Variants in ZBTB7A observed in about 807,000 individuals in gnomAD.
ZBTB7A encodes the protein zinc finger and BTB domain containing 7A.
A neutral mutation model predicts 26.7 loss-of-function variants in ZBTB7A; 7 were observed. That is an observed-to-expected ratio of 0.26 (90% CI 0.15 to 0.49). ZBTB7A has a LOEUF of 0.49. Among genes scored for constraint, ZBTB7A ranks in the 20% least tolerant of loss-of-function variants. The probability of loss-of-function intolerance (pLI) is 0.98; values close to 1 mark genes in which losing one functional copy is unlikely to be tolerated. For missense variants in ZBTB7A, 617 were observed against 919.5 expected (o/e 0.67, Z 4.25); for synonymous variants, 452 against 441.0 (o/e 1.02, Z -0.31).
At chr19:4,053,695 G>A (rs536442558) in intron 2 of ZBTB7A, among the ~76,000 whole-genome samples, 3 of 151,790 alleles carry the variant, frequency 2.0e-5, no homozygotes, top group South Asian at 2.1e-4. Flanking sequence ...GCGTGTGTGC[G>A]TCTGTGTGTG....
chr19:4,049,552 G>A (rs10221509), intron 2 of ZBTB7A, among the ~76,000 whole-genome samples: 7,699 of 152,092 alleles, frequency 0.051, 645 homozygotes, highest in African/African-American at 0.17. Context: ...CGAGGCTGGC[G>A]GCGGCCGAGG....
intron 2 of ZBTB7A, among the ~76,000 whole-genome samples, chr19:4,050,393 C>T (rs1458350564): frequency 6.6e-6 from 1 of 152,190 alleles, no homozygotes; most frequent in African/African-American, 2.4e-5. Context: ...TTCCTTGTTT[C>T]TCCTCTGTCT....
At chr19:4,049,906 T>C (rs930898281) in intron 2 of ZBTB7A, among the ~76,000 whole-genome samples, 5 of 152,134 alleles carry the variant, frequency 3.3e-5, no homozygotes, top group African/African-American at 1.2e-4. Context: ...CATCCTCCTG[T>C]CATCACCACC....
intron 2 of ZBTB7A, among the ~76,000 whole-genome samples, chr19:4,053,544 ATGTGTATGTGG>A (rs2040529034): frequency 7.8e-6 from 1 of 128,232 alleles, no homozygotes; most frequent in Admixed American, 8.0e-5. Context: ...TGTGTATGTG[ATGTGTATGTGG>A]TGTGCGTGTG....
At position 4,055,667 on chromosome 19, in the gene ZBTB7A, C is replaced by CA. The variant is rs1431680595; in HGVS notation, c.-15-421dup. Among the ~76,000 whole-genome samples, 12 of 152,200 alleles carry CA rather than the reference C, an allele frequency of 7.9e-5. No homozygotes were observed. In the East Asian group the frequency reaches 2.3e-3, roughly 29 times the overall value. ...GAAACCCCGTCTCTACTAAAAAATA[C>CA]AAAAAATTAGCCGGGCGTGTTGGCG... On this transcript the variant is annotated intron_variant, in intron 1 of 2. Coordinates refer to ENST00000322357, the MANE Select transcript of ZBTB7A (RefSeq NM_015898.4).
At chr19:4,056,394 C>A (rs1009749396) in intron 1 of ZBTB7A, among the ~76,000 whole-genome samples, 14 of 152,324 alleles carry the variant, frequency 9.2e-5, no homozygotes, top group African/African-American at 2.9e-4. Context: ...CACACTGGCA[C>A]CACCCCTCCG....
chr19:4,053,623 G>T (rs1466061824), intron 2 of ZBTB7A, among the ~76,000 whole-genome samples: 1 of 150,974 alleles, frequency 6.6e-6, no homozygotes, highest in East Asian at 1.9e-4. Flanking sequence ...TGTGTATGTG[G>T]TGTGCATCTG....
intron 2 of ZBTB7A, 48 bp downstream of exon 2, chr19:4,053,923 G>T: frequency 6.5e-7 from 1 of 1,536,924 alleles, no homozygotes; most frequent in Admixed American, 1.9e-5. Flanking sequence ...AGCGGCGGAT[G>T]CTGGGGCAGA....
intron 2 of ZBTB7A, among the ~76,000 whole-genome samples, chr19:4,053,325 C>T (rs1568232592): frequency 6.6e-6 from 1 of 152,178 alleles, no homozygotes; most frequent in African/African-American, 2.4e-5. Context: ...GTCAGGGAAG[C>T]GTTCGTTGGC....
At chr19:4,049,979 A>G (rs2040481778) in intron 2 of ZBTB7A, among the ~76,000 whole-genome samples, 1 of 152,026 alleles carries the variant, frequency 6.6e-6, no homozygotes, top group African/African-American at 2.4e-5. Flanking sequence ...GCTTGAGCGC[A>G]GTGGTGTGGT....
intron 1 of ZBTB7A, chr19:4,062,726 G>C (rs2040652591): frequency 6.6e-6 from 1 of 152,320 alleles, no homozygotes; most frequent in Admixed American, 6.5e-5. Flanking sequence ...TCTCACACAG[G>C]AGCCTGGGGC....
chr19:4,055,358 A>G, intron 1 of ZBTB7A, 111 bp from the exon 2 acceptor site: 1 of 1,402,538 alleles, frequency 7.1e-7, no homozygotes, highest in Non-Finnish European at 9.2e-7. Context: ...CTGCTCCCCC[A>G]GCCTCACATT....
At position 4,049,168 on chromosome 19, in the gene ZBTB7A, G is replaced by GTATATA. The variant is rs1181215162; in HGVS notation, c.1263-930_1263-925dup. ...ACTATATGTGTGTGTGTGTGTGTGTGTATATATATATATATATATATATAT... is the reference window on the plus strand; with the variant it reads ...ACTATATGTGTGTGTGTGTGTGTGTGTATATATATATATATATATATATATATATAT... On this transcript the variant is annotated intron_variant, in intron 2 of 2. Transcript: ENST00000322357. Among the ~76,000 whole-genome samples, 126 of 14,912 alleles carry GTATATA rather than the reference G, an allele frequency of 8.4e-3. 3 individuals carry two copies. The highest frequency in any genetic ancestry group is 0.022 in the South Asian group (7 of 320). 9.8% of individuals were successfully genotyped at this position (14,912 alleles called of 152,430 possible). A position where few individuals can be genotyped will look rare whatever the true frequency, so the allele number is the denominator to read the frequency against.
chr19:4,062,840 C>T (rs547572124), intron 1 of ZBTB7A: 1 of 152,404 alleles, frequency 6.6e-6, no homozygotes, highest in Non-Finnish European at 1.5e-5. Flanking sequence ...AGTAGTCGCT[C>T]AACAAGCATT....
At chr19:4,058,186 C>CT (rs934023623) in intron 1 of ZBTB7A, among the ~76,000 whole-genome samples, 5 of 152,222 alleles carry the variant, frequency 3.3e-5, no homozygotes, top group African/African-American at 7.2e-5. Context: ...TCAGCCCTGG[C>CT]TGTGAGTAAC....
chr19:4,065,078 G>A (rs1465878159), intron 1 of ZBTB7A, among the ~76,000 whole-genome samples: 2 of 151,694 alleles, frequency 1.3e-5, no homozygotes, highest in Non-Finnish European at 3.0e-5. Flanking sequence ...GGTAGGGAGC[G>A]GGAGGGAGGG....
intron 2 of ZBTB7A, among the ~76,000 whole-genome samples, chr19:4,051,096 CAAAAAAAAAA>C (rs71166952): frequency 6.1e-4 from 26 of 42,424 alleles, no homozygotes; most frequent in African/African-American, 6.9e-4. Flanking sequence ...AGACTCGTCT[CAAAAAAAAAA>C]AAAAAAAAAA....
At chr19:4,051,458 G>A (rs1288076592) in intron 2 of ZBTB7A, among the ~76,000 whole-genome samples, 2 of 152,060 alleles carry the variant, frequency 1.3e-5, no homozygotes, top group Non-Finnish European at 2.9e-5. Context: ...CCTCCCTCTG[G>A]CACCAGCTAC....
At chr19:4,065,210 G>A (rs2040680847) in intron 1 of ZBTB7A, among the ~76,000 whole-genome samples, 1 of 151,618 alleles carries the variant, frequency 6.6e-6, no homozygotes. Flanking sequence ...CTTTGGGGGC[G>A]CGGACGGCGG....
Sources: allele counts gnomAD v4.1 joint callset (sites outside exome capture counted in the v4.1 genomes callset), GRCh38; gene constraint gnomAD v4.1.1; transcripts MANE v1.5; gene names NCBI Gene and HGNC (gene_info 2026-07-23, HGNC 2026-07-21).